The following KSR1 variants were observed in gnomAD, a reference collection of about 807,000 sequenced individuals.
KSR1 encodes the protein kinase suppressor of ras.
In KSR1, 35 loss-of-function variants were observed where a neutral mutation model predicts 92.9. The ratio of observed to expected loss-of-function variants is 0.38; its 90% CI spans 0.29 to 0.50. The LOEUF is 0.50. KSR1 is among the 20% of genes least tolerant of loss of function. The pLI is 0.94. For synonymous variants in KSR1, 467 were observed against 472.6 expected (o/e 0.99, Z 0.15); for missense variants, 972 against 1,158.5 (o/e 0.84, Z 2.34).
intron 1 of KSR1, among the ~76,000 whole-genome samples, chr17:27,471,647 A>G (rs2020011647): frequency 6.6e-6 from 1 of 152,150 alleles, no homozygotes; most frequent in African/African-American, 2.4e-5. Flanking sequence ...GCCGCAGGAG[A>G]GAATTAATGC....
intron 1 of KSR1, among the ~76,000 whole-genome samples, chr17:27,534,213 G>A (rs2070668802): frequency 1.3e-5 from 2 of 152,238 alleles, no homozygotes; most frequent in African/African-American, 4.8e-5. Flanking sequence ...TCCTTTCAGT[G>A]TGAGTGTGTT....
intron 1 of KSR1, among the ~76,000 whole-genome samples, chr17:27,458,682 C>T (rs774965294): frequency 1.3e-5 from 2 of 152,166 alleles, no homozygotes; most frequent in Non-Finnish European, 2.9e-5. Context: ...ATCCAAAGGC[C>T]CACAGGGGAT....
In KSR1 at chr17:27,625,141, A is replaced by C. The variant is rs1461398620; in HGVS notation, c.*1749A>C. 1 of 152,264 alleles carries C rather than the reference A, an allele frequency of 6.6e-6. No homozygotes were observed. Among genetic ancestry groups the C allele is most frequent in the East Asian group, 1.9e-4 (1 of 5,160 alleles). 9.4% of individuals were successfully genotyped at this position (152,264 alleles called of 1,614,324 possible). A position where few individuals can be genotyped will look rare whatever the true frequency, so the allele number is the denominator to read the frequency against. On this transcript the variant is annotated 3_prime_UTR_variant, in exon 21 of 21. Coordinates refer to ENST00000644974, the MANE Select transcript of KSR1 (RefSeq NM_001394583.1). ...CCCACACACCTGCCCCTTCCCAGGG[A>C]TCACGTGTGTCTCCAGCCTTTCACC...
Position 27,607,928 on chromosome 17 carries a change from G to A in KSR1, c.2009G>A (p.Arg670Gln), listed in dbSNP as rs995938003. The A allele has an allele frequency of 9.3e-6, 15 of 1,608,000 alleles. No homozygotes were observed. Among genetic ancestry groups the A allele is most frequent in the Admixed American group, 3.4e-5 (2 of 59,300 alleles). Reference protein sequence around the residue: ...LAIITSFCKGRTLHSFVRDPK... With the variant: ...LAIITSFCKGQTLHSFVRDPK... ...ACCCTCGACAGCTTCTGCAAGGGGC[G>A]GACGTTGCACTCGTTTGTGAGGGAC... Residue 670 changes from arginine (R) to glutamine (Q), a missense_variant, in exon 15 of 21, where the codon CGG (arginine) becomes CAG (glutamine). Arg to Gln is a conservative substitution (Grantham distance 43). Transcript: ENST00000644974.
chr17:27,569,688 G>A (rs2072231332), intron 2 of KSR1, among the ~76,000 whole-genome samples: 1 of 152,210 alleles, frequency 6.6e-6, no homozygotes, highest in Non-Finnish European at 1.5e-5. Context: ...TAAATTTTAT[G>A]GGAGCACAGC....
chr17:27,543,091 A>G (rs1233225416), intron 1 of KSR1, among the ~76,000 whole-genome samples: 1 of 152,202 alleles, frequency 6.6e-6, no homozygotes, highest in Middle Eastern at 3.2e-3. Context: ...GTCCAGCACA[A>G]TGGCTGGCCT....
chr17:27,566,439 G>A (rs2072072057), intron 2 of KSR1: 1 of 399,226 alleles, frequency 2.5e-6, no homozygotes, highest in Non-Finnish European at 4.4e-6. Flanking sequence ...GGGGACCCTG[G>A]GCTCAGGCCC....
At chr17:27,545,490 AG>A (rs1193163081) in intron 1 of KSR1, among the ~76,000 whole-genome samples, 2 of 152,230 alleles carry the variant, frequency 1.3e-5, no homozygotes, top group Non-Finnish European at 2.9e-5. Context: ...GTTAGAGACC[AG>A]CCTGGGCAGC....
At chr17:27,576,843 A>G (rs977859922) in intron 2 of KSR1, among the ~76,000 whole-genome samples, 2 of 152,258 alleles carry the variant, frequency 1.3e-5, no homozygotes, top group Non-Finnish European at 2.9e-5. Context: ...TAACAAGATC[A>G]GGAGCAACAC....
At chr17:27,581,451 C>CTTGTCCTT (rs2072751341) in intron 3 of KSR1, among the ~76,000 whole-genome samples, 1 of 152,200 alleles carries the variant, frequency 6.6e-6, no homozygotes, top group Non-Finnish European at 1.5e-5. Flanking sequence ...CCTCTGACAG[C>CTTGTCCTT]ACACAGAACT....
At chr17:27,592,095 G>A (rs1280335539) in intron 7 of KSR1, among the ~76,000 whole-genome samples, 2 of 152,146 alleles carry the variant, frequency 1.3e-5, no homozygotes, top group Non-Finnish European at 2.9e-5. Flanking sequence ...GGCAACCTGG[G>A]GCAAGTCGAA....
intron 1 of KSR1, among the ~76,000 whole-genome samples, chr17:27,467,645 T>TG (rs1220904227): frequency 6.6e-6 from 1 of 152,142 alleles, no homozygotes; most frequent in Non-Finnish European, 1.5e-5. Flanking sequence ...CCTTGGTCCG[T>TG]GGTGGGTCCA....
chr17:27,616,146 T>A (rs1332413676), intron 18 of KSR1, among the ~76,000 whole-genome samples: 1 of 152,228 alleles, frequency 6.6e-6, no homozygotes, highest in African/African-American at 2.4e-5. Context: ...ATTGGACCTT[T>A]TCAGCTGAAG....
intron 3 of KSR1, chr17:27,579,734 A>G (rs1021751332): frequency 2.0e-5 from 3 of 151,734 alleles, no homozygotes; most frequent in Non-Finnish European, 2.9e-5. Flanking sequence ...AAATTAGCCA[A>G]GAGTGGTTGT....
At chr17:27,586,828 G>C (rs142753838) in intron 5 of KSR1, among the ~76,000 whole-genome samples, 66 of 152,298 alleles carry the variant, frequency 4.3e-4, no homozygotes, top group Middle Eastern at 3.4e-3. Flanking sequence ...AACATAGTCT[G>C]TTTCTCCTAG....
At chr17:27,499,875 G>C (rs1012039323) in intron 1 of KSR1, among the ~76,000 whole-genome samples, 1 of 152,200 alleles carries the variant, frequency 6.6e-6, no homozygotes, top group African/African-American at 2.4e-5. Flanking sequence ...GTGTCAAAGG[G>C]AGTTTGTTGC....
intron 1 of KSR1, among the ~76,000 whole-genome samples, chr17:27,482,907 A>G (rs1163187437): frequency 1.6e-5 from 1 of 62,200 alleles, no homozygotes; most frequent in African/African-American, 7.9e-5. Context: ...TTTTTCAATA[A>G]ACCTACATGT....
intron 7 of KSR1, among the ~76,000 whole-genome samples, chr17:27,591,477 A>G (rs539208770): frequency 9.9e-5 from 15 of 152,106 alleles, no homozygotes; most frequent in Non-Finnish European, 2.1e-4. Flanking sequence ...TTGCTGTGTG[A>G]TCTGGGGCAA....
chr17:27,594,256 A>T (rs1210658882), intron 9 of KSR1, among the ~76,000 whole-genome samples: 1 of 152,102 alleles, frequency 6.6e-6, no homozygotes, highest in Non-Finnish European at 1.5e-5. Context: ...ACTTGTAGGG[A>T]GCAGTACCAT....
Sources: gnomAD v4.1 joint callset for allele counts (sites outside exome capture counted in the v4.1 genomes callset) on GRCh38, gnomAD v4.1.1 for gene constraint, MANE v1.5 for transcripts, NCBI Gene and HGNC (gene_info 2026-07-23, HGNC 2026-07-21) for gene names.